FBXO25: variants seen among roughly 807,000 people sequenced by gnomAD.
FBXO25 encodes the protein F-box protein 25.
In FBXO25, 45 loss-of-function variants were observed where a neutral mutation model predicts 51.9. The ratio of observed to expected loss-of-function variants is 0.87; its 90% CI spans 0.68 to 1.11. The LOEUF is 1.11. FBXO25 is among the 50% of genes most tolerant of loss of function. The pLI is 0.00. For synonymous variants in FBXO25, 199 were observed against 151.0 expected (o/e 1.32, Z -2.33); for missense variants, 507 against 428.5 (o/e 1.18, Z -1.62).
chr8:455,563 A>G (rs961925658), intron 7 of FBXO25, among the ~76,000 whole-genome samples: 1 of 152,170 alleles, frequency 6.6e-6, no homozygotes. Flanking sequence ...AAGCCAGTCA[A>G]CTCATCTGTA....
chr8:431,581 ATTTAGTGATCAAAC>A, intron 3 of FBXO25, 137 bp downstream of exon 3: 2 of 519,274 alleles, frequency 3.9e-6, no homozygotes, highest in South Asian at 6.1e-5. Flanking sequence ...TTGCCTACAG[ATTTAGTGATCAAAC>A]TTTTTGCAGC....
chr8:419,513 G>A (rs543412829), intron 2 of FBXO25, among the ~76,000 whole-genome samples: 32 of 152,346 alleles, frequency 2.1e-4, no homozygotes, highest in African/African-American at 7.7e-4. Context: ...GATATGGTCG[G>A]TTTGTTTTTG....
chr8:437,048 T>A (rs1798145051), intron 5 of FBXO25, among the ~76,000 whole-genome samples: 1 of 152,164 alleles, frequency 6.6e-6, no homozygotes, highest in Non-Finnish European at 1.5e-5. Flanking sequence ...TTTCAGTCAT[T>A]TGGACGACTG....
chr8:460,749 A>T (rs1359059612), intron 8 of FBXO25, among the ~76,000 whole-genome samples: 1 of 152,260 alleles, frequency 6.6e-6, no homozygotes, highest in South Asian at 2.1e-4. Flanking sequence ...TTTAGTCTCT[A>T]GGAACTATTG....
chr8:468,700 C>T lies in FBXO25; in HGVS notation c.988-15C>T, dbSNP rs370889245. On this transcript the variant is annotated splice_polypyrimidine_tract_variant and intron_variant, in intron 9 of 9. Coordinates refer to ENST00000350302, the MANE Select transcript of FBXO25 (RefSeq NM_183420.2). Reference sequence around the variant, plus strand: ...TGGTGGGGCCCCCTCCTAACCATCTCCCACCTCCCCACAGGACTCAGGACA... The same window carrying T: ...TGGTGGGGCCCCCTCCTAACCATCTTCCACCTCCCCACAGGACTCAGGACA... 7 of 1,611,654 alleles carry T rather than the reference C, an allele frequency of 4.3e-6. No individual in the cohort carries two copies. The African/African-American group carries it at 6.7e-5, about 15-fold the overall frequency.
chr8:447,131 C>CGCA (rs1801517597), intron 5 of FBXO25, among the ~76,000 whole-genome samples: 1 of 152,166 alleles, frequency 6.6e-6, no homozygotes, highest in African/African-American at 2.4e-5. Flanking sequence ...GAGGCTGAGT[C>CGCA]GCAGATGTTC....
Position 474,690 on chromosome 8 carries a change from G to C in FBXO25, c.*5886G>C. Reference sequence around the variant, plus strand: ...TCGTCTTTGGAGAAATGTCTATTTGGGCTCTTTGTCCATTTTTCAATCAGG... The same window carrying C: ...TCGTCTTTGGAGAAATGTCTATTTGCGCTCTTTGTCCATTTTTCAATCAGG... On this transcript the variant is annotated 3_prime_UTR_variant, in exon 10 of 10. Transcript: ENST00000350302. 1 of 453,444 alleles carries C rather than the reference G, an allele frequency of 2.2e-6. No individual in the cohort carries two copies. Among genetic ancestry groups the C allele is most frequent in the South Asian group, 1.6e-5 (1 of 63,394 alleles). 28.1% of individuals were successfully genotyped at this position (453,444 alleles called of 1,614,324 possible).
At position 475,276 on chromosome 8, in the gene FBXO25, T is replaced by G. The variant is rs1800609041; in HGVS notation, c.*6472T>G. On this transcript the variant is annotated 3_prime_UTR_variant, in exon 10 of 10. Transcript: ENST00000350302. Reference sequence around the variant, plus strand: ...TATGTGCAAGGGTTTATTTGGGGATTTGCTATTCTGTTCCATTGGTCTACA... The same window carrying G: ...TATGTGCAAGGGTTTATTTGGGGATGTGCTATTCTGTTCCATTGGTCTACA... The G allele has an allele frequency of 4.6e-6, 1 of 219,274 alleles. No homozygotes were observed. The highest frequency in any genetic ancestry group is 2.4e-5 in the African/African-American group (1 of 42,150). The allele number at this position is 219,274 out of a possible 1,614,324, so 13.6% of individuals were successfully genotyped here. A position where few individuals can be genotyped will look rare whatever the true frequency, so the allele number is the denominator to read the frequency against.
chr8:428,515 CTCTTTA>C (rs1797630268), intron 2 of FBXO25, among the ~76,000 whole-genome samples: 1 of 151,738 alleles, frequency 6.6e-6, no homozygotes, highest in African/African-American at 2.4e-5. Flanking sequence ...TGCACACTGT[CTCTTTA>C]TCTTTAATTA....
intron 2 of FBXO25, among the ~76,000 whole-genome samples, chr8:424,234 C>T (rs1209046528): frequency 2.0e-5 from 3 of 150,456 alleles, no homozygotes; most frequent in African/African-American, 7.4e-5. Flanking sequence ...TGTTTTTTTG[C>T]ATAAGTTCCC....
intron 1 of FBXO25, among the ~76,000 whole-genome samples, chr8:409,294 C>T (rs1429098719): frequency 1.3e-5 from 2 of 152,200 alleles, no homozygotes; most frequent in African/African-American, 4.8e-5. Context: ...CATAACAAAT[C>T]TGTGAAGCAC....
chr8:410,713 T>C (rs1796437557), intron 1 of FBXO25, among the ~76,000 whole-genome samples: 1 of 152,194 alleles, frequency 6.6e-6, no homozygotes, highest in East Asian at 1.9e-4. Context: ...TGTTCAGTAG[T>C]TGTGAAGCAG....
chr8:443,074 C>T (rs1464380857), intron 5 of FBXO25, among the ~76,000 whole-genome samples: 3 of 151,686 alleles, frequency 2.0e-5, no homozygotes, highest in Admixed American at 6.6e-5. Context: ...AGGAAGTGCT[C>T]CTCAGCTCCG....
chr8:443,824 T>A (rs1432938034), intron 5 of FBXO25, among the ~76,000 whole-genome samples: 3 of 152,076 alleles, frequency 2.0e-5, no homozygotes, highest in Admixed American at 6.5e-5. Flanking sequence ...ACATCCCTTT[T>A]TTGTAAAAGA....
intron 2 of FBXO25, among the ~76,000 whole-genome samples, chr8:414,420 A>G (rs185544881): frequency 1.1e-4 from 17 of 152,316 alleles, no homozygotes; most frequent in African/African-American, 3.1e-4. Flanking sequence ...AGTAGCCACT[A>G]TTAAATGTGG....
At chr8:418,628 C>T (rs1256096427) in intron 2 of FBXO25, among the ~76,000 whole-genome samples, 1 of 152,170 alleles carries the variant, frequency 6.6e-6, no homozygotes, top group African/African-American at 2.4e-5. Context: ...GCGTGAGCCA[C>T]CGTTCCCGGC....
At chr8:451,669 C>G (rs1316973549) in intron 7 of FBXO25, among the ~76,000 whole-genome samples, 2 of 152,176 alleles carry the variant, frequency 1.3e-5, no homozygotes, top group African/African-American at 4.8e-5. Context: ...ATCATCAAAC[C>G]AGGCTGATCC....
At chr8:416,684 C>G (rs987151512) in intron 2 of FBXO25, among the ~76,000 whole-genome samples, 27 of 152,106 alleles carry the variant, frequency 1.8e-4, no homozygotes, top group African/African-American at 5.1e-4. Flanking sequence ...TAAAATCTAC[C>G]CAGGAGCCAG....
At chr8:450,163 T>G in intron 6 of FBXO25, 80 bp downstream of exon 6, 1 of 1,005,780 alleles carries the variant, frequency 9.9e-7, no homozygotes, top group Non-Finnish European at 1.5e-6. Flanking sequence ...TTCTTTTATC[T>G]TTACCCAGTA....
Sources: gnomAD v4.1 joint callset for allele counts (sites outside exome capture counted in the v4.1 genomes callset) on GRCh38, gnomAD v4.1.1 for gene constraint, MANE v1.5 for transcripts, NCBI Gene and HGNC (gene_info 2026-07-23, HGNC 2026-07-21) for gene names.